Variants in TRIQK observed in about 807,000 individuals in gnomAD.
The protein encoded by TRIQK is triple QxxK/R motif-containing protein.
In TRIQK, 10 loss-of-function variants were observed where a neutral mutation model predicts 10.8. The observed-to-expected ratio is 0.92, with a 90% CI of 0.57 to 1.57. TRIQK has a LOEUF of 1.57. TRIQK is among the 40% of genes most tolerant of loss of function. The pLI is 0.00. For missense variants in TRIQK, 107 were observed against 97.7 expected, an observed-to-expected ratio of 1.09 and a Z score of -0.40; for synonymous variants, 33 against 33.7, an observed-to-expected ratio of 0.98 and a Z score of 0.07.
intron 4 of TRIQK, among the ~76,000 whole-genome samples, chr8:92,889,004 C>G (rs1476194837): frequency 1.3e-5 from 2 of 151,512 alleles, no homozygotes; most frequent in Non-Finnish European, 3.0e-5. Flanking sequence ...CTTAGTTGTG[C>G]AAACATTTTT....
At chr8:92,942,342 A>G (rs1194268359) in intron 2 of TRIQK, among the ~76,000 whole-genome samples, 1 of 152,218 alleles carries the variant, frequency 6.6e-6, no homozygotes, top group Non-Finnish European at 1.5e-5. Flanking sequence ...ACAAAATTCA[A>G]CATCCCCTCA....
At chr8:92,932,984 G>A (rs911712321) in intron 2 of TRIQK, among the ~76,000 whole-genome samples, 4 of 151,998 alleles carry the variant, frequency 2.6e-5, no homozygotes, top group African/African-American at 4.8e-5. Flanking sequence ...CCTGGGACCT[G>A]CCATTTCTCT....
chr8:93,007,793 T>C (rs749986751), intron 1 of TRIQK, among the ~76,000 whole-genome samples: 6 of 152,222 alleles, frequency 3.9e-5, no homozygotes, highest in Non-Finnish European at 8.8e-5. Context: ...TTGAAGGCTA[T>C]CTTGCTAAAA....
At chr8:92,955,038 A>G (rs1379803701) in intron 1 of TRIQK, among the ~76,000 whole-genome samples, 2 of 151,956 alleles carry the variant, frequency 1.3e-5, no homozygotes, top group African/African-American at 4.8e-5. Context: ...TTTAAAAGCA[A>G]CATGGAATAA....
chr8:92,906,912 T>A (rs77331459), intron 3 of TRIQK, among the ~76,000 whole-genome samples: 1 of 150,112 alleles, frequency 6.7e-6, no homozygotes, highest in Non-Finnish European at 1.5e-5. Context: ...AAAAAAAAAA[T>A]ACTGGACTTA....
At chr8:92,949,561 A>AAAGGG (rs1554605305) in intron 2 of TRIQK, among the ~76,000 whole-genome samples, 1 of 149,932 alleles carries the variant, frequency 6.7e-6, no homozygotes, top group African/African-American at 2.5e-5. Context: ...GGAAGGAAGG[A>AAAGGG]AAGGGAAGGA....
intron 2 of TRIQK, among the ~76,000 whole-genome samples, chr8:92,924,106 G>T (rs1426267924): frequency 6.6e-6 from 1 of 151,976 alleles, no homozygotes; most frequent in African/African-American, 2.4e-5. Context: ...CGCTAAACGT[G>T]AAGCTATAGT....
At chr8:92,980,471 C>G (rs1812975694) in intron 1 of TRIQK, among the ~76,000 whole-genome samples, 2 of 151,830 alleles carry the variant, frequency 1.3e-5, no homozygotes, top group Non-Finnish European at 2.9e-5. Flanking sequence ...ATCTCATTTT[C>G]TTTGTTACGA....
intron 2 of TRIQK, among the ~76,000 whole-genome samples, chr8:92,952,963 A>T (rs180865489): frequency 1.3e-5 from 2 of 152,098 alleles, no homozygotes; most frequent in East Asian, 3.9e-4. Flanking sequence ...CTTATTTTGG[A>T]TATGTAGTCT....
chr8:92,912,096 A>G (rs1477367404), intron 3 of TRIQK, among the ~76,000 whole-genome samples: 1 of 151,594 alleles, frequency 6.6e-6, no homozygotes, highest in African/African-American at 2.4e-5. Flanking sequence ...TGTATACAGA[A>G]CATTCCAAGC....
At chr8:92,961,348 C>A (rs1480498030) in intron 1 of TRIQK, among the ~76,000 whole-genome samples, 1 of 151,834 alleles carries the variant, frequency 6.6e-6, no homozygotes, top group Non-Finnish European at 1.5e-5. Flanking sequence ...CTGGGAGGTT[C>A]TTTTTAAAAC....
intron 2 of TRIQK, among the ~76,000 whole-genome samples, chr8:92,948,699 T>C (rs576685813): frequency 6.6e-6 from 1 of 152,222 alleles, no homozygotes; most frequent in Non-Finnish European, 1.5e-5. Context: ...GGACAATGTC[T>C]GCACATAGTA....
At chr8:92,895,415 G>C (rs573423915) in intron 3 of TRIQK, among the ~76,000 whole-genome samples, 41 of 152,308 alleles carry the variant, frequency 2.7e-4, no homozygotes, top group African/African-American at 9.1e-4. Flanking sequence ...GTGCAATGGG[G>C]AGGGGCTGGA....
chr8:93,009,071 A>G (rs1049872652), intron 1 of TRIQK, among the ~76,000 whole-genome samples: 5 of 152,354 alleles, frequency 3.3e-5, no homozygotes, highest in Non-Finnish European at 7.3e-5. Flanking sequence ...AACTGCACAT[A>G]TTCATCCCCT....
chr8:92,899,309 A>T lies in TRIQK; in HGVS notation c.62-7235T>A, dbSNP rs112761973. On this transcript the variant is annotated intron_variant, in intron 3 of 4. Coordinates refer to ENST00000521988, the MANE Select transcript of TRIQK (RefSeq NM_001171797.2). ...CTTTTTCATTATTTTTAAATGTACAATAAGTTTTATCAAATACTAGATCTT... is the reference window on the plus strand; with the variant it reads ...CTTTTTCATTATTTTTAAATGTACATTAAGTTTTATCAAATACTAGATCTT... Among the ~76,000 whole-genome samples the T allele has an allele frequency of 4.8e-3, 730 of 151,976 alleles. 3 individuals carry two copies. Among genetic ancestry groups the T allele is most frequent in the Non-Finnish European group, 8.0e-3 (543 of 67,950 alleles).
At chr8:92,929,355 T>C (rs998260142) in intron 2 of TRIQK, among the ~76,000 whole-genome samples, 2 of 152,178 alleles carry the variant, frequency 1.3e-5, no homozygotes, top group African/African-American at 4.8e-5. Context: ...CATTACAAAA[T>C]GTTTAAAACA....
intron 3 of TRIQK, among the ~76,000 whole-genome samples, chr8:92,911,670 C>T (rs907803341): frequency 6.6e-6 from 1 of 150,904 alleles, no homozygotes. Flanking sequence ...AAAACTGTTA[C>T]AAGAGATGAA....
intron 2 of TRIQK, among the ~76,000 whole-genome samples, chr8:92,953,051 G>A (rs1251416759): frequency 2.0e-5 from 3 of 151,996 alleles, no homozygotes; most frequent in Non-Finnish European, 4.4e-5. Flanking sequence ...CTGATACAAA[G>A]GGTTACTTTT....
At chr8:92,934,462 T>G (rs1220380121) in intron 2 of TRIQK, among the ~76,000 whole-genome samples, 1 of 151,886 alleles carries the variant, frequency 6.6e-6, no homozygotes, top group African/African-American at 2.4e-5. Flanking sequence ...TGAAATAAGC[T>G]TAAGTATATA....
Sources: allele counts gnomAD v4.1 joint callset (sites outside exome capture counted in the v4.1 genomes callset), GRCh38; gene constraint gnomAD v4.1.1; transcripts MANE v1.5; gene names NCBI Gene and HGNC (gene_info 2026-07-23, HGNC 2026-07-21).